The following SMLR1 variants were observed in gnomAD, a reference collection of about 807,000 sequenced individuals.
SMLR1 encodes the protein small leucine-rich protein 1.
SMLR1 carries 3 observed loss-of-function variants against 6.1 expected under a neutral mutation model. The observed-to-expected ratio is 0.49, with a 90% CI of 0.22 to 1.28. The LOEUF (loss-of-function observed/expected upper bound fraction) is 1.28. Ranked by LOEUF, SMLR1 falls within the 50% of genes most tolerant of loss-of-function variation. The probability of loss-of-function intolerance (pLI) is 0.19; values close to 1 mark genes in which losing one functional copy is unlikely to be tolerated. For synonymous variants in SMLR1, 55 were observed against 53.6 expected (o/e 1.03, Z -0.11); for missense variants, 126 against 124.8 (o/e 1.01, Z -0.05).
In SMLR1 at chr6:130,836,724, G is replaced by A. The variant is rs1774680482; in HGVS notation, c.*1769G>A. 1 of 152,170 alleles carries A rather than the reference G, an allele frequency of 6.6e-6. No homozygotes were observed. The highest frequency in any genetic ancestry group is 1.5e-5 in the Non-Finnish European group (1 of 68,028). 9.4% of individuals were successfully genotyped at this position (152,170 alleles called of 1,614,324 possible). A position where few individuals can be genotyped will look rare whatever the true frequency, so the allele number is the denominator to read the frequency against. Reference sequence around the variant, plus strand: ...TGTTCATTTTCCCATGAAGGAACAAGTCCCAAGGGTTTATCATCTGCCTGA... The same window carrying A: ...TGTTCATTTTCCCATGAAGGAACAAATCCCAAGGGTTTATCATCTGCCTGA... On this transcript the variant is annotated 3_prime_UTR_variant, in exon 2 of 2. Coordinates refer to ENST00000541421, the MANE Select transcript of SMLR1 (RefSeq NM_001195597.2).
chr6:130,835,032 A>G lies in SMLR1; in HGVS notation c.*77A>G. ...AGCAATGGCCAACAGTTCAGCTAAT[A>G]AAGTAGGTTGATAAACTAGAACCAT... On this transcript the variant is annotated 3_prime_UTR_variant, in exon 2 of 2. Coordinates refer to ENST00000541421, the MANE Select transcript of SMLR1 (RefSeq NM_001195597.2). 8.8e-7 allele frequency: 1 copy of G among 1,132,212 alleles called. No individual in the cohort carries two copies. The highest frequency in any genetic ancestry group is 1.3e-6 in the Non-Finnish European group (1 of 780,740). 70.1% of individuals were successfully genotyped at this position (1,132,212 alleles called of 1,614,324 possible).
intron 1 of SMLR1, among the ~76,000 whole-genome samples, chr6:130,830,719 A>G (rs1774415860): frequency 6.6e-6 from 1 of 152,200 alleles, no homozygotes; most frequent in Admixed American, 6.5e-5. Context: ...CTGATAAAAT[A>G]GGTTGCAGAA....
At chr6:130,831,292 C>T (rs12202038) in intron 1 of SMLR1, among the ~76,000 whole-genome samples, 52,375 of 152,006 alleles carry the variant, frequency 0.34, 9,630 homozygotes, top group East Asian at 0.65. Context: ...TATATTCAAA[C>T]CATCTTTCGG....
chr6:130,827,644 G>A lies in SMLR1; in HGVS notation c.231G>A (p.Leu77=). 1 of 1,535,806 alleles carries A rather than the reference G, an allele frequency of 6.5e-7. No individual in the cohort carries two copies. The highest frequency in any genetic ancestry group is 1.7e-4 in the Middle Eastern group (1 of 5,986). Residue 77 remains leucine (L), a synonymous_variant, in exon 1 of 2, where the codon CTG becomes CTA. Coordinates refer to ENST00000541421, the MANE Select transcript of SMLR1 (RefSeq NM_001195597.2). ...LLLIAYFRIK[L]IEVNEELSQN... Reference sequence around the variant, plus strand: ...TCATCGCCTACTTCAGGATCAAACTGATTGAGGGTAAGTGTGAGGCCACAC... The same window carrying A: ...TCATCGCCTACTTCAGGATCAAACTAATTGAGGGTAAGTGTGAGGCCACAC...
intron 1 of SMLR1, 33 bp downstream of exon 1, chr6:130,827,684 G>A: frequency 6.7e-7 from 1 of 1,486,630 alleles, no homozygotes; most frequent in Non-Finnish European, 9.1e-7. Flanking sequence ...AAGAACTTGG[G>A]CATCCTTTCC....
At position 130,827,611 on chromosome 6, in the gene SMLR1, G is replaced by C. The variant is rs1774315299; in HGVS notation, c.198G>C (p.Leu66=). 1 of 1,536,002 alleles carries C rather than the reference G, an allele frequency of 6.5e-7. No individual in the cohort carries two copies. Among genetic ancestry groups the C allele is most frequent in the Non-Finnish European group, 8.7e-7 (1 of 1,146,824 alleles). The change falls in exon 1 of 2, where the codon CTG becomes CTC. Residue 66 remains leucine, a synonymous_variant. Transcript: ENST00000541421. ...FGVFLPVTLL[L]LLLIAYFRIK... ...TCTTCCTCCCCGTGACTTTGCTGCT[G>C]CTCCTCCTCATCGCCTACTTCAGGA...
At chr6:130,834,739 G>C (rs1774592923) in intron 1 of SMLR1, 131 bp from the exon 2 acceptor site, 1 of 675,610 alleles carries the variant, frequency 1.5e-6, no homozygotes, top group Non-Finnish European at 2.6e-6. Flanking sequence ...GGATCTGCTT[G>C]GAAGACCTGG....
intron 1 of SMLR1, 89 bp downstream of exon 1, chr6:130,827,740 GC>G: frequency 1.1e-6 from 1 of 923,410 alleles, no homozygotes; most frequent in Non-Finnish European, 1.6e-6. Flanking sequence ...GTGTTTTCTG[GC>G]CAGGAGAAAC....
At chr6:130,833,605 CA>C (rs1459465185) in intron 1 of SMLR1, among the ~76,000 whole-genome samples, 1 of 152,114 alleles carries the variant, frequency 6.6e-6, no homozygotes, top group Non-Finnish European at 1.5e-5. Flanking sequence ...TGATCTTGGG[CA>C]AATTACTTCA....
chr6:130,831,353 G>T (rs1774441716), intron 1 of SMLR1, among the ~76,000 whole-genome samples: 1 of 151,824 alleles, frequency 6.6e-6, no homozygotes, highest in South Asian at 2.1e-4. Context: ...TTTTTTTTTG[G>T]AGTAATTCTT....
rs1317742525 is a variant in SMLR1 at position 130,835,015 on chromosome 6, C to T, written c.*60C>T. The T allele has an allele frequency of 1.6e-5, 21 of 1,290,352 alleles. No individual in the cohort carries two copies. The highest frequency in any genetic ancestry group is 2.9e-5 in the African/African-American group (2 of 68,082). 79.9% of individuals were successfully genotyped at this position (1,290,352 alleles called of 1,614,324 possible). ...GTTTCTACTGGTCAGCAAGCAATGG[C>T]CAACAGTTCAGCTAATAAAGTAGGT... is the stretch of plus-strand genomic sequence containing the variant. On this transcript the variant is annotated 3_prime_UTR_variant, in exon 2 of 2. Coordinates refer to ENST00000541421, the MANE Select transcript of SMLR1 (RefSeq NM_001195597.2).
rs750676126 is a variant in SMLR1, at chr6:130,834,886, C to A, written c.255C>A (p.Ser85=). The change falls in exon 2 of 2, where the codon TCC becomes TCA. Residue 85 remains serine (S), a synonymous_variant. Coordinates refer to ENST00000541421, the MANE Select transcript of SMLR1 (RefSeq NM_001195597.2). ...TCCTTTCAGTTAATGAAGAACTGTCCCAGAACTGTGATCGCCAACATAATC... is the reference window on the plus strand; with the variant it reads ...TCCTTTCAGTTAATGAAGAACTGTCACAGAACTGTGATCGCCAACATAATC... The part of the protein sequence containing the change: ...IKLIEVNEEL[S]QNCDRQHNPK... The A allele has an allele frequency of 2.0e-6, 3 of 1,534,984 alleles. No individual in the cohort carries two copies. Among genetic ancestry groups the A allele is most frequent in the Non-Finnish European group, 2.6e-6 (3 of 1,146,242 alleles).
intron 1 of SMLR1, among the ~76,000 whole-genome samples, chr6:130,832,775 G>A (rs904246485): frequency 2.6e-5 from 4 of 152,106 alleles, no homozygotes; most frequent in African/African-American, 9.7e-5. Flanking sequence ...CCTCTTCACC[G>A]ACGCACCACC....
rs1158692450 is a variant in SMLR1 at position 130,827,558 on chromosome 6, C to T, written c.145C>T (p.Leu49Phe). Residue 49 changes from leucine (L) to phenylalanine (F), a missense_variant, in exon 1 of 2, where the codon CTC becomes TTC. Physicochemically the swap from Leu to Phe is conservative, Grantham distance 22. Transcript: ENST00000541421. ...TGTGCTGTCAGCTTTCATGAGGGAGCTCCCTGGCTGGTTCCTGTTCTTTGG... is the reference window on the plus strand; with the variant it reads ...TGTGCTGTCAGCTTTCATGAGGGAGTTCCCTGGCTGGTTCCTGTTCTTTGG... ...SSVLSAFMRE[L>F]PGWFLFFGVF... The T allele has an allele frequency of 1.3e-6, 2 of 1,535,988 alleles. No individual in the cohort carries two copies. Among genetic ancestry groups the T allele is most frequent in the South Asian group, 1.2e-5 (1 of 84,058 alleles).
chr6:130,830,859 C>T (rs2281489), intron 1 of SMLR1, among the ~76,000 whole-genome samples: 7,406 of 152,174 alleles, frequency 0.049, 410 homozygotes, highest in East Asian at 0.27. Context: ...AGTTACCCTA[C>T]ATGGCCTAAA....
At chr6:130,829,327 C>T (rs1774371432) in intron 1 of SMLR1, among the ~76,000 whole-genome samples, 1 of 152,164 alleles carries the variant, frequency 6.6e-6, no homozygotes, top group Non-Finnish European at 1.5e-5. Flanking sequence ...TTACTCATTC[C>T]TGGAAAAACA....
At chr6:130,832,432 C>T (rs900501837) in intron 1 of SMLR1, among the ~76,000 whole-genome samples, 5 of 152,270 alleles carry the variant, frequency 3.3e-5, no homozygotes, top group African/African-American at 9.6e-5. Flanking sequence ...TAGGCATCTT[C>T]CACTGAACTT....
intron 1 of SMLR1, among the ~76,000 whole-genome samples, chr6:130,828,781 C>T (rs1774355150): frequency 1.3e-5 from 2 of 152,126 alleles, no homozygotes; most frequent in East Asian, 1.9e-4. Flanking sequence ...CATATTCTGC[C>T]TCACTCTATA....
chr6:130,834,802 T>C, intron 1 of SMLR1, 68 bp from the exon 2 acceptor site: 2 of 1,355,674 alleles, frequency 1.5e-6, no homozygotes, highest in Middle Eastern at 1.8e-4. Context: ...CCAACAGCCC[T>C]TATGAACTCT....
Sources: gnomAD v4.1 joint callset for allele counts (sites outside exome capture counted in the v4.1 genomes callset) on GRCh38, gnomAD v4.1.1 for gene constraint, MANE v1.5 for transcripts, NCBI Gene and HGNC (gene_info 2026-07-23, HGNC 2026-07-21) for gene names.